Variants in CABP2 observed in about 807,000 individuals in gnomAD.
CABP2 encodes the protein calcium-binding protein 2.
In CABP2, 25 loss-of-function variants were observed where a neutral mutation model predicts 28.6. The ratio of observed to expected loss-of-function variants is 0.87; its 90% CI spans 0.64 to 1.22. The LOEUF (loss-of-function observed/expected upper bound fraction) is 1.22. CABP2 is among the 50% of genes most tolerant of loss of function. CABP2 has a pLI of 0.00. For synonymous variants in CABP2, 138 were observed against 126.0 expected (o/e 1.09, Z -0.64); for missense variants, 310 against 312.2 (o/e 0.99, Z 0.05).
At chr11:67,523,135 G>C in intron 1 of CABP2, 150 bp downstream of exon 1, 1 of 644,736 alleles carries the variant, frequency 1.6e-6, no homozygotes, top group Non-Finnish European at 2.7e-6. Context: ...AGGATGGCCA[G>C]AGGCTGTGGC....
intron 6 of CABP2, among the ~76,000 whole-genome samples, chr11:67,519,434 C>G (rs540664174): frequency 9.2e-5 from 14 of 152,334 alleles, no homozygotes; most frequent in African/African-American, 2.9e-4. Context: ...CTACTTATGG[C>G]AATACATTTC....
At chr11:67,521,879 A>AC in intron 3 of CABP2, 73 bp downstream of exon 3, 49 of 303,124 alleles carry the variant, frequency 1.6e-4, no homozygotes, top group Admixed American at 4.4e-4. Context: ...TGCCCCCCCA[A>AC]CCCTGTGTCC....
Position 67,522,565 on chromosome 11 carries a change from C to T in CABP2, c.194G>A (p.Ser65Asn). 6.4e-7 allele frequency: 1 copy of T among 1,556,062 alleles called. No homozygotes were observed. Among genetic ancestry groups the T allele is most frequent in the African/African-American group, 1.4e-5 (1 of 73,388 alleles). ...VGPACIFLRPSIAATQLDREL... is the reference protein window; with the variant it reads ...VGPACIFLRPNIAATQLDREL... The stretch of plus-strand genomic sequence containing the variant: ...ACATACGAGTTGGGTGGCGGCAATG[C>T]TGGGCCGCAGGAAGATGCAGGCAGG... The change falls in exon 2 of 7, where the codon AGC becomes AAC. Residue 65 changes from serine to asparagine, a missense_variant. Physicochemically the swap from Ser to Asn is conservative, Grantham distance 46. Transcript: ENST00000294288.
chr11:67,522,460 G>A (rs542661958), intron 2 of CABP2, 86 bp downstream of exon 2: 4 of 1,389,784 alleles, frequency 2.9e-6, no homozygotes, highest in Non-Finnish European at 4.0e-6. Flanking sequence ...AAGGGTAGGT[G>A]GGCTGGAGTG....
rs748874482 is a variant in CABP2 at position 67,520,102 on chromosome 11, T to C, written c.438A>G (p.Ala146=). The C allele has an allele frequency of 6.2e-7, 1 of 1,613,970 alleles. No homozygotes were observed. Among genetic ancestry groups the C allele is most frequent in the Non-Finnish European group, 8.5e-7 (1 of 1,180,000 alleles). The change falls in exon 5 of 7, where the codon GCA becomes GCG. Residue 146 remains alanine (A), a synonymous_variant. Coordinates refer to ENST00000294288, the MANE Select transcript of CABP2 (RefSeq NM_016366.3). The part of the protein sequence containing the change: ...FVELMGPKLL[A]ETADMIGVRE... ...GGACACCGATCATGTCTGCCGTCTCTGCCAGCAGCTTGGGGCCCATCAGCT... is the reference window on the plus strand; with the variant it reads ...GGACACCGATCATGTCTGCCGTCTCCGCCAGCAGCTTGGGGCCCATCAGCT...
At position 67,519,109 on chromosome 11, in the gene CABP2, C is replaced by T. The variant is rs765651554; in HGVS notation, c.*30G>A. On this transcript the variant is annotated 3_prime_UTR_variant, in exon 7 of 7. Transcript: ENST00000294288. ...GGGCAGAGGCTGTGGTCCTTGAGTCCTTTATGCTGCCTCCAGCTTCTGTAC... is the reference window on the plus strand; with the variant it reads ...GGGCAGAGGCTGTGGTCCTTGAGTCTTTTATGCTGCCTCCAGCTTCTGTAC... 12 of 1,613,718 alleles carry T rather than the reference C, an allele frequency of 7.4e-6. No homozygotes were observed. The East Asian group carries it at 2.7e-4, about 36-fold the overall frequency.
chr11:67,520,007 G>C (rs772297513), intron 5 of CABP2, 44 bp downstream of exon 5: 63 of 1,600,418 alleles, frequency 3.9e-5, no homozygotes, highest in Non-Finnish European at 4.9e-5. Flanking sequence ...CCTCACTCAC[G>C]GCAGACACGC....
In CABP2 at chr11:67,519,137, G is replaced by T. The variant is rs780678058; in HGVS notation, c.*2C>A. 1.9e-6 allele frequency: 3 copies of T among 1,614,076 alleles called. No individual in the cohort carries two copies. The South Asian group carries it at 3.3e-5, about 18-fold the overall frequency. On this transcript the variant is annotated 3_prime_UTR_variant, in exon 7 of 7. Coordinates refer to ENST00000294288, the MANE Select transcript of CABP2 (RefSeq NM_016366.3). ...TATGCTGCCTCCAGCTTCTGTACAG[G>T]CTCACCGAGACATCATTCGCACAAA...
rs760834323 is a variant in CABP2, at chr11:67,521,081, C to T, written c.323G>A (p.Arg108Gln). Residue 108 changes from arginine (R) to glutamine (Q), a missense_variant, in exon 4 of 7, where the codon CGG (arginine) becomes CAG (glutamine). Physicochemically the swap from Arg to Gln is conservative, Grantham distance 43 (BLOSUM62 1). Transcript: ENST00000294288. ...IGCRELGACM[R>Q]TLGYMPTEME... is the part of the protein sequence containing the mutation. ...CTCGGTGGGCATGTAGCCCAGGGTC[C>T]GCATGCAGGCACCCAGCTCCCGGCA... 35 of 1,605,392 alleles carry T rather than the reference C, an allele frequency of 2.2e-5. No homozygotes were observed. Among genetic ancestry groups the T allele is most frequent in the Admixed American group, 3.4e-5 (2 of 59,288 alleles).
At chr11:67,520,997 G>A (rs1565204818) in intron 4 of CABP2, 28 bp downstream of exon 4, 1 of 1,605,204 alleles carries the variant, frequency 6.2e-7, no homozygotes, top group Non-Finnish European at 8.5e-7. Context: ...TGGAGGACTG[G>A]GGATGGGGAT....
intron 6 of CABP2, 139 bp from the exon 7 acceptor site, chr11:67,519,303 A>G: frequency 1.3e-6 from 1 of 787,634 alleles, no homozygotes; most frequent in South Asian, 1.4e-5. Flanking sequence ...GATAGGGAAT[A>G]GGCCTCAGAG....
Position 67,519,952 on chromosome 11 carries a change from T to C in CABP2, c.490-12A>G. The C allele has an allele frequency of 6.2e-7, 1 of 1,602,770 alleles. No individual in the cohort carries two copies. Among genetic ancestry groups the C allele is most frequent in the Non-Finnish European group, 8.5e-7 (1 of 1,176,348 alleles). On this transcript the variant is annotated splice_polypyrimidine_tract_variant and intron_variant, in intron 5 of 6. Transcript: ENST00000294288. ...CCATTGGTGTCGAACTGTGGCGGCG[T>C]TGGTTGTGGCGTCTGGTCACTGACA...
chr11:67,523,095 G>C (rs1367102395), intron 1 of CABP2, among the ~76,000 whole-genome samples, 190 bp downstream of exon 1: 1 of 152,214 alleles, frequency 6.6e-6, no homozygotes, highest in Non-Finnish European at 1.5e-5. Context: ...CCTGGCAGGG[G>C]AGACCCAGAG....
intron 4 of CABP2, 134 bp downstream of exon 4, chr11:67,520,891 G>T: frequency 2.2e-6 from 2 of 919,536 alleles, no homozygotes; most frequent in Middle Eastern, 3.5e-4. Context: ...CAGAGAGCTT[G>T]CCTTGAGAAT....
At position 67,521,935 on chromosome 11, in the gene CABP2, C is replaced by T. The variant is rs550969210; in HGVS notation, c.244+17G>A. 3.8e-6 allele frequency: 6 copies of T among 1,584,372 alleles called. No homozygotes were observed. The Admixed American group carries it at 8.5e-5, about 22-fold the overall frequency. On this transcript the variant is annotated intron_variant, in intron 3 of 6. Transcript: ENST00000294288. The stretch of plus-strand genomic sequence containing the variant: ...CACCTCCCCTTCAGGGAACCAGTTC[C>T]TTCTCCAACCCTTTACCTTCAATCT...
chr11:67,521,486 A>T (rs1000010545), intron 3 of CABP2, among the ~76,000 whole-genome samples: 7 of 151,950 alleles, frequency 4.6e-5, no homozygotes, highest in Admixed American at 3.9e-4. Flanking sequence ...GTCCTATGTC[A>T]CCTACTAAAG....
chr11:67,519,884 C>T lies in CABP2; in HGVS notation c.546G>A (p.Lys182=). ...GGCTGAGGCGCTCCCCCAGCAGGGC[C>T]TTGAGGGCCGCCCGGAGCTCGCCCA... is the stretch of plus-strand genomic sequence containing the variant. ...ISVGELRAAL[K]ALLGERLSQR... Residue 182 remains lysine, a synonymous_variant, in exon 6 of 7, where the codon AAG becomes AAA. Transcript: ENST00000294288. The T allele has an allele frequency of 6.2e-7, 1 of 1,613,354 alleles. No individual in the cohort carries two copies. The highest frequency in any genetic ancestry group is 8.5e-7 in the Non-Finnish European group (1 of 1,179,994).
At chr11:67,523,214 T>C in intron 1 of CABP2, 71 bp downstream of exon 1, 1 of 1,245,742 alleles carries the variant, frequency 8.0e-7, no homozygotes, top group Non-Finnish European at 1.2e-6. Context: ...CGGAGGGCTC[T>C]GCCCATCCCA....
chr11:67,521,015 A>C lies in CABP2; in HGVS notation c.379+10T>G. On this transcript the variant is annotated intron_variant, in intron 4 of 6. Transcript: ENST00000294288. ...AGGACTGGGGATGGGGATGGGTCCG[A>C]GGCACATACTGATTTGTTGTGAGAT... The C allele has an allele frequency of 6.2e-7, 1 of 1,611,770 alleles. No individual in the cohort carries two copies. Among genetic ancestry groups the C allele is most frequent in the Non-Finnish European group, 8.5e-7 (1 of 1,178,578 alleles).
Sources: allele counts gnomAD v4.1 joint callset (sites outside exome capture counted in the v4.1 genomes callset), GRCh38; gene constraint gnomAD v4.1.1; transcripts MANE v1.5; gene names NCBI Gene and HGNC (gene_info 2026-07-23, HGNC 2026-07-21).